Variants in CACNG4 observed in about 807,000 individuals in gnomAD.
CACNG4 encodes voltage-dependent calcium channel gamma-4 subunit.
A neutral mutation model predicts 22.9 loss-of-function variants in CACNG4; 8 were observed. The ratio of observed to expected loss-of-function variants is 0.35; its 90% CI spans 0.21 to 0.63. The LOEUF (loss-of-function observed/expected upper bound fraction) is 0.63. CACNG4 is among the 30% of genes least tolerant of loss of function. The probability of loss-of-function intolerance (pLI) is 0.72; values close to 1 mark genes in which losing one functional copy is unlikely to be tolerated. For missense variants in CACNG4, 357 were observed against 455.4 expected (o/e 0.78, Z 1.97); for synonymous variants, 188 against 191.9 (o/e 0.98, Z 0.17).
intron 1 of CACNG4, among the ~76,000 whole-genome samples, chr17:66,977,980 AG>A (rs1405041230): frequency 2.6e-5 from 4 of 152,188 alleles, no homozygotes; most frequent in Non-Finnish European, 4.4e-5. Context: ...CGCCCTAAGG[AG>A]GCCTATCCCA....
intron 1 of CACNG4, among the ~76,000 whole-genome samples, chr17:66,989,016 A>ATTTTCT (rs1304476338): frequency 6.4e-5 from 9 of 140,594 alleles, no homozygotes; most frequent in African/African-American, 1.7e-4. Flanking sequence ...AGCCAAGATC[A>ATTTTCT]TGCCACTGTA....
At chr17:66,987,727 C>T (rs887979327) in intron 1 of CACNG4, among the ~76,000 whole-genome samples, 15 of 152,102 alleles carry the variant, frequency 9.9e-5, no homozygotes, top group African/African-American at 3.1e-4. Flanking sequence ...GAAGAGGGGG[C>T]GAAATACCCT....
At position 67,031,045 on chromosome 17, in the gene CACNG4, C is replaced by G; in HGVS notation, c.*41C>G. 1 of 1,569,630 alleles carries G rather than the reference C, an allele frequency of 6.4e-7. No homozygotes were observed. Among genetic ancestry groups the G allele is most frequent in the Non-Finnish European group, 8.6e-7 (1 of 1,157,114 alleles). ...TCTCCGCTCCAGCCTCTCCCCAGAA[C>G]GGCTCTTTTTGTCACACAGGATGGC... On this transcript the variant is annotated 3_prime_UTR_variant, in exon 4 of 4. Transcript: ENST00000262138. This position sits in a 1 kb window ranked among gnomAD's most constrained non-coding sequence, Gnocchi z 4.0.
chr17:67,024,790 A>G, intron 2 of CACNG4, 70 bp from the exon 3 acceptor site: 6 of 1,406,074 alleles, frequency 4.3e-6, no homozygotes, highest in Non-Finnish European at 5.6e-6. Context: ...TGGGAGACAT[A>G]CGCAGCCATG....
At chr17:66,991,540 A>G (rs542395615) in intron 1 of CACNG4, among the ~76,000 whole-genome samples, 2 of 152,118 alleles carry the variant, frequency 1.3e-5, no homozygotes, top group South Asian at 4.2e-4. Flanking sequence ...TAGCTGCTTG[A>G]GTCTGTTCTC....
intron 1 of CACNG4, among the ~76,000 whole-genome samples, chr17:67,017,498 C>G (rs118019276): frequency 6.7e-6 from 1 of 150,222 alleles, no homozygotes. Context: ...TGGGCAAATT[C>G]GTTGTTGTTG....
chr17:67,026,603 G>C (rs777165064), intron 3 of CACNG4, among the ~76,000 whole-genome samples: 4 of 150,166 alleles, frequency 2.7e-5, no homozygotes, highest in Non-Finnish European at 5.9e-5. Flanking sequence ...GAGGAGTGTG[G>C]TGTGTGTATT....
At chr17:66,979,298 A>G (rs2035256998) in intron 1 of CACNG4, among the ~76,000 whole-genome samples, 1 of 152,136 alleles carries the variant, frequency 6.6e-6, no homozygotes, top group Non-Finnish European at 1.5e-5. Flanking sequence ...AAACCACGCA[A>G]GCCCTCTCCT....
intron 1 of CACNG4, among the ~76,000 whole-genome samples, chr17:67,002,819 A>G (rs1285011552): frequency 6.6e-6 from 1 of 152,214 alleles, no homozygotes; most frequent in Non-Finnish European, 1.5e-5. Context: ...CTCCCCCTTC[A>G]TAAGTTGTTT....
chr17:67,018,112 G>T, intron 1 of CACNG4, 77 bp from the exon 2 acceptor site: 1 of 1,109,334 alleles, frequency 9.0e-7, no homozygotes, highest in South Asian at 1.3e-5. Context: ...TCACACACAT[G>T]GCAACCGTGT....
chr17:66,997,823 A>G (rs1432521351), intron 1 of CACNG4, among the ~76,000 whole-genome samples: 1 of 152,128 alleles, frequency 6.6e-6, no homozygotes, highest in African/African-American at 2.4e-5. Flanking sequence ...GTCAAAAACA[A>G]ACAAACAAAC....
At chr17:67,004,090 C>T (rs913493445) in intron 1 of CACNG4, among the ~76,000 whole-genome samples, 3 of 152,158 alleles carry the variant, frequency 2.0e-5, no homozygotes, top group African/African-American at 7.2e-5. Context: ...GCTGTTTCGC[C>T]CTTTACAGCT....
At chr17:66,996,144 TG>T (rs1216372083) in intron 1 of CACNG4, among the ~76,000 whole-genome samples, 1 of 152,158 alleles carries the variant, frequency 6.6e-6, no homozygotes, top group Non-Finnish European at 1.5e-5. Flanking sequence ...ATCTTGTGGA[TG>T]GGGCACCGCA....
At chr17:66,977,991 A>G (rs1427703323) in intron 1 of CACNG4, among the ~76,000 whole-genome samples, 4 of 152,196 alleles carry the variant, frequency 2.6e-5, no homozygotes, top group Non-Finnish European at 5.9e-5. Context: ...GGCCTATCCC[A>G]TAGGGTTGTC....
chr17:66,975,332 A>G (rs1333393568), intron 1 of CACNG4, among the ~76,000 whole-genome samples: 1 of 152,008 alleles, frequency 6.6e-6, no homozygotes, highest in Non-Finnish European at 1.5e-5. Context: ...ATGAGTCCAC[A>G]TGGAAGCAGC....
intron 1 of CACNG4, among the ~76,000 whole-genome samples, chr17:66,992,823 G>A (rs989024307): frequency 5.3e-5 from 8 of 152,246 alleles, no homozygotes; most frequent in African/African-American, 1.9e-4. Flanking sequence ...GTGATTGTGT[G>A]TTATTTTTCT....
chr17:66,990,110 A>G lies in CACNG4; in HGVS notation c.220+24979A>G, dbSNP rs534499494. Among the ~76,000 whole-genome samples, 4 of 152,356 alleles carry G rather than the reference A, an allele frequency of 2.6e-5. No homozygotes were observed. In the South Asian group the frequency reaches 6.2e-4, roughly 24 times the overall value. On this transcript the variant is annotated intron_variant, in intron 1 of 3. Coordinates refer to ENST00000262138, the MANE Select transcript of CACNG4 (RefSeq NM_014405.4). The stretch of plus-strand genomic sequence containing the variant: ...GCCGCATCCGCTGCTTAAGTCTTCA[A>G]GGATGCAATTGAGATATTTGCCAGG...
intron 1 of CACNG4, among the ~76,000 whole-genome samples, chr17:66,995,801 G>A (rs2035370394): frequency 6.6e-6 from 1 of 152,088 alleles, no homozygotes; most frequent in African/African-American, 2.4e-5. Flanking sequence ...AGTGAGCCAA[G>A]ATCGTGCCAC....
At position 67,031,035 on chromosome 17, in the gene CACNG4, C is replaced by T. The variant is rs990668939; in HGVS notation, c.*31C>T. The T allele has an allele frequency of 1.9e-6, 3 of 1,578,272 alleles. No individual in the cohort carries two copies. In the African/African-American group the frequency reaches 4.1e-5, roughly 21 times the overall value. The stretch of plus-strand genomic sequence containing the variant: ...CTGCCCTTTCTCTCCGCTCCAGCCT[C>T]TCCCCAGAACGGCTCTTTTTGTCAC... On this transcript the variant is annotated 3_prime_UTR_variant, in exon 4 of 4. Transcript: ENST00000262138. This position sits in a 1 kb window ranked among gnomAD's most constrained non-coding sequence, Gnocchi z 4.0.
Sources: allele counts gnomAD v4.1 joint callset (sites outside exome capture counted in the v4.1 genomes callset), GRCh38; gene constraint gnomAD v4.1.1; non-coding constraint Gnocchi (gnomAD v3.1); transcripts MANE v1.5; gene names NCBI Gene and HGNC (gene_info 2026-07-23, HGNC 2026-07-21).